MAGI3: variants seen among roughly 807,000 people sequenced by gnomAD.
The protein encoded by MAGI3 is membrane associated guanylate kinase, WW and PDZ domain containing 3.
MAGI3 carries 43 observed loss-of-function variants against 121.8 expected under a neutral mutation model. The observed-to-expected ratio is 0.35, with a 90% confidence interval of 0.28 to 0.46. MAGI3 has a LOEUF of 0.46. MAGI3 is among the 20% of genes least tolerant of loss of function. The pLI is 1.00. For synonymous variants in MAGI3, 553 were observed against 639.3 expected (o/e 0.86, Z 2.04); for missense variants, 1,547 against 1,797.3 (o/e 0.86, Z 2.52).
At chr1:113,417,564 G>A (rs1233916437) in intron 1 of MAGI3, among the ~76,000 whole-genome samples, 1 of 152,002 alleles carries the variant, frequency 6.6e-6, no homozygotes, top group Non-Finnish European at 1.5e-5. Context: ...TTAAGAACAG[G>A]ACTTAATGTA....
intron 9 of MAGI3, among the ~76,000 whole-genome samples, chr1:113,636,033 T>C (rs915977491): frequency 6.6e-6 from 1 of 152,214 alleles, no homozygotes; most frequent in South Asian, 2.1e-4. Context: ...TGTAGTATTC[T>C]CTGATGGTAG....
intron 2 of MAGI3, among the ~76,000 whole-genome samples, chr1:113,552,078 T>C (rs747989304): frequency 1.5e-4 from 23 of 152,180 alleles, no homozygotes; most frequent in Non-Finnish European, 2.4e-4. Context: ...TTTTTGATAG[T>C]TGGGCTGTTG....
intron 15 of MAGI3, among the ~76,000 whole-genome samples, chr1:113,657,296 G>C (rs1653528439): frequency 6.6e-6 from 1 of 152,196 alleles, no homozygotes; most frequent in Non-Finnish European, 1.5e-5. Flanking sequence ...AAAATGTTCA[G>C]AAGCTACCTT....
intron 1 of MAGI3, among the ~76,000 whole-genome samples, chr1:113,506,416 T>C (rs565674791): frequency 1.7e-4 from 21 of 121,234 alleles, no homozygotes; most frequent in Admixed American, 7.9e-4. Context: ...CTCATATCCC[T>C]TTTTTTTTTT....
intron 9 of MAGI3, among the ~76,000 whole-genome samples, chr1:113,625,648 A>G (rs1651194918): frequency 6.6e-6 from 1 of 152,136 alleles, no homozygotes. Context: ...AAACAAGGAT[A>G]ATTTGACTTC....
At position 113,683,936 on chromosome 1, in the gene MAGI3, G is replaced by C; in HGVS notation, c.4368G>C (p.Leu1456=). 6.2e-7 allele frequency: 1 copy of C among 1,609,838 alleles called. No individual in the cohort carries two copies. The highest frequency in any genetic ancestry group is 1.7e-5 in the Admixed American group (1 of 59,422). The change falls in exon 21 of 21, where the codon CTG becomes CTC. Residue 1456 remains leucine, a synonymous_variant. Coordinates refer to ENST00000307546, the MANE Select transcript of MAGI3 (RefSeq NM_001142782.2). ...GCAGTTCTCCAGTTAAGAAAACACT[G>C]ATAACTCCAGGGCCCTGGAAGGTTC... ...PESSSPVKKT[L]ITPGPWKVPS... is the part of the protein sequence containing the mutation.
At chr1:113,506,479 A>G (rs570996501) in intron 1 of MAGI3, among the ~76,000 whole-genome samples, 1 of 152,146 alleles carries the variant, frequency 6.6e-6, no homozygotes, top group African/African-American at 2.4e-5. Flanking sequence ...TTCTCTCAGA[A>G]CTTGCTTTGA....
chr1:113,516,390 C>CAAAAAAAAA (rs60186333), intron 1 of MAGI3, among the ~76,000 whole-genome samples: 8 of 70,994 alleles, frequency 1.1e-4, no homozygotes, highest in African/African-American at 1.8e-4. Context: ...GAAGTTCTCA[C>CAAAAAAAAA]AAAAAAAAAA....
At chr1:113,547,632 T>A (rs1035808181) in intron 1 of MAGI3, among the ~76,000 whole-genome samples, 3 of 152,240 alleles carry the variant, frequency 2.0e-5, no homozygotes, top group Non-Finnish European at 4.4e-5. Flanking sequence ...AATGAATTCA[T>A]TATTTGGTAT....
intron 1 of MAGI3, among the ~76,000 whole-genome samples, chr1:113,488,957 G>T (rs576243368): frequency 6.6e-6 from 1 of 151,990 alleles, no homozygotes; most frequent in Non-Finnish European, 1.5e-5. Context: ...GGCCCCCTGC[G>T]CCCTGCTCCA....
rs933099393 is a variant in MAGI3 at position 113,549,429 on chromosome 1, G to A, written c.317-86G>A. 1.3e-5 allele frequency: 9 copies of A among 672,314 alleles called. No individual in the cohort carries two copies. The Admixed American group carries it at 1.7e-4, about 13-fold the overall frequency. 41.6% of individuals were successfully genotyped at this position (672,314 alleles called of 1,614,324 possible). A position where few individuals can be genotyped will look rare whatever the true frequency, so the allele number is the denominator to read the frequency against. On this transcript the variant is annotated intron_variant, in intron 1 of 20. Coordinates refer to ENST00000307546, the MANE Select transcript of MAGI3 (RefSeq NM_001142782.2). ...CTGTTTATAGCTAACTGGTTTAAGA[G>A]TATTCAGTTACTAGCTTCTATATTT...
At chr1:113,409,209 G>C (rs1226924794) in intron 1 of MAGI3, among the ~76,000 whole-genome samples, 1 of 149,238 alleles carries the variant, frequency 6.7e-6, no homozygotes, top group African/African-American at 2.5e-5. Context: ...TCCCAAATTT[G>C]ACAAGGAAAA....
chr1:113,415,014 A>G (rs1444943027), intron 1 of MAGI3, among the ~76,000 whole-genome samples: 1 of 152,106 alleles, frequency 6.6e-6, no homozygotes, highest in Non-Finnish European at 1.5e-5. Context: ...TATTATCATT[A>G]CAAGTTTCAC....
At chr1:113,561,811 G>C (rs1454609865) in intron 2 of MAGI3, among the ~76,000 whole-genome samples, 2 of 152,088 alleles carry the variant, frequency 1.3e-5, no homozygotes, top group Non-Finnish European at 2.9e-5. Context: ...ATAGGAAGAG[G>C]AAGTCAAACT....
chr1:113,494,762 T>G (rs1656836973), intron 1 of MAGI3, among the ~76,000 whole-genome samples: 2 of 152,318 alleles, frequency 1.3e-5, no homozygotes, highest in South Asian at 4.1e-4. Flanking sequence ...TCTTTTCCCT[T>G]TTGAATTTTG....
chr1:113,558,426 T>C (rs145756709), intron 2 of MAGI3, among the ~76,000 whole-genome samples: 1 of 152,232 alleles, frequency 6.6e-6, no homozygotes, highest in East Asian at 1.9e-4. Context: ...CAAGTATTCA[T>C]AGCAGAATAA....
chr1:113,559,998 C>G (rs953781485), intron 2 of MAGI3, among the ~76,000 whole-genome samples: 2 of 152,130 alleles, frequency 1.3e-5, no homozygotes, highest in Non-Finnish European at 2.9e-5. Context: ...ATATTCAGGA[C>G]CTGAATTCAG....
In MAGI3 at chr1:113,585,269, T is replaced by C. The variant is rs1012279838; in HGVS notation, c.554-118T>C. 22 of 887,110 alleles carry C rather than the reference T, an allele frequency of 2.5e-5. No homozygotes were observed. In the Admixed American group the frequency reaches 4.8e-4, roughly 19 times the overall value. 55.0% of individuals were successfully genotyped at this position (887,110 alleles called of 1,614,324 possible). On this transcript the variant is annotated intron_variant, in intron 3 of 20. Transcript: ENST00000307546. ...AAGTGTGAGCCACCATGCCCACCCC[T>C]ATGGTAGATATTTCAAAACTTCTTT...
intron 1 of MAGI3, among the ~76,000 whole-genome samples, chr1:113,454,894 G>A (rs569135824): frequency 2.6e-5 from 4 of 152,246 alleles, no homozygotes; most frequent in Admixed American, 2.6e-4. Context: ...GGGAAATAGT[G>A]ATATTATTGT....
Sources: gnomAD v4.1 joint callset for allele counts (sites outside exome capture counted in the v4.1 genomes callset) on GRCh38, gnomAD v4.1.1 for gene constraint, MANE v1.5 for transcripts, NCBI Gene and HGNC (gene_info 2026-07-23, HGNC 2026-07-21) for gene names.